The following LPP variants were observed in gnomAD, a reference collection of about 807,000 sequenced individuals.
The protein encoded by LPP is lipoma-preferred partner.
In LPP, 38 loss-of-function variants were observed where a neutral mutation model predicts 60.4. That is an observed-to-expected ratio of 0.63 (90% CI 0.49 to 0.83). The LOEUF (loss-of-function observed/expected upper bound fraction) is 0.83, where lower values mean the gene tolerates loss of function less well. Among genes scored for constraint, LPP ranks in the 40% least tolerant of loss-of-function variants. The pLI, the probability that LPP is intolerant of heterozygous loss-of-function variation, is 0.00. For synonymous variants in LPP, 328 were observed against 290.8 expected, an observed-to-expected ratio of 1.13 and a Z score of -1.30; for missense variants, 902 against 783.6, an observed-to-expected ratio of 1.15 and a Z score of -1.80.
intron 7 of LPP, among the ~76,000 whole-genome samples, chr3:188,662,046 A>G (rs1039027727): frequency 3.3e-5 from 5 of 152,264 alleles, no homozygotes; most frequent in African/African-American, 1.2e-4. Context: ...AGAGAAGAGA[A>G]AGGAAAAGAA....
intron 7 of LPP, among the ~76,000 whole-genome samples, chr3:188,661,018 C>A (rs1488764346): frequency 6.6e-6 from 1 of 152,162 alleles, no homozygotes; most frequent in South Asian, 2.1e-4. Flanking sequence ...TCCCCCAACC[C>A]CGGTAACCCC....
Position 188,406,597 on chromosome 3 carries a change from T to G in LPP, c.193+284T>G, listed in dbSNP as rs141797161. On this transcript the variant is annotated intron_variant, in intron 4 of 11. Coordinates refer to ENST00000617246, the MANE Select transcript of LPP (RefSeq NM_001375462.1). ...TAGTCACAGCTCAATGCCTTTCTAC[T>G]GCGTTATCTTCCACCTCCAGCTCAT... 4.4e-3 allele frequency among the ~76,000 whole-genome samples: 669 copies of G among 152,328 alleles called. 8 individuals carry two copies. The highest frequency in any genetic ancestry group is 0.014 in the Middle Eastern group (4 of 294).
At chr3:188,483,389 TTAA>T in intron 4 of LPP, among the ~76,000 whole-genome samples, 1 of 152,184 alleles carries the variant, frequency 6.6e-6, no homozygotes. Flanking sequence ...AGCAACTCAC[TTAA>T]TGATGGAGAC....
intron 4 of LPP, among the ~76,000 whole-genome samples, chr3:188,423,472 C>T (rs1030727772): frequency 5.3e-5 from 8 of 152,096 alleles, no homozygotes; most frequent in South Asian, 2.1e-4. Flanking sequence ...GTAATGGGAT[C>T]GCTGGGTCAA....
chr3:188,223,117 GTAAAGAGTGAGGGCAC>G (rs1716423224), intron 1 of LPP, among the ~76,000 whole-genome samples: 1 of 152,198 alleles, frequency 6.6e-6, no homozygotes, highest in Non-Finnish European at 1.5e-5. Flanking sequence ...TGCTTCAGCT[GTAAAGAGTGAGGGCAC>G]TACTAGGTGA....
At chr3:188,548,156 A>T (rs1266021936) in intron 6 of LPP, among the ~76,000 whole-genome samples, 1 of 152,172 alleles carries the variant, frequency 6.6e-6, no homozygotes, top group African/African-American at 2.4e-5. Context: ...GAACAAGAAG[A>T]TGGTGAAGGC....
chr3:188,451,057 T>C (rs1300036270), intron 4 of LPP, among the ~76,000 whole-genome samples: 2 of 152,126 alleles, frequency 1.3e-5, no homozygotes, highest in East Asian at 3.9e-4. Context: ...GTTTTTTGTT[T>C]TTGTTTTTTT....
At chr3:188,863,433 C>G (rs1185783870) in intron 9 of LPP, among the ~76,000 whole-genome samples, 4 of 152,154 alleles carry the variant, frequency 2.6e-5, no homozygotes, top group Non-Finnish European at 4.4e-5. Context: ...GCATCTCATG[C>G]TCTCCACAAC....
chr3:188,631,943 C>T (rs998377282), intron 7 of LPP, among the ~76,000 whole-genome samples: 3 of 152,130 alleles, frequency 2.0e-5, no homozygotes, highest in Non-Finnish European at 2.9e-5. Flanking sequence ...CCTACATGAG[C>T]GTACACAGAA....
chr3:188,825,929 C>T (rs1488618638), intron 9 of LPP, among the ~76,000 whole-genome samples: 1 of 152,082 alleles, frequency 6.6e-6, no homozygotes, highest in African/African-American at 2.4e-5. Flanking sequence ...CCACCACACT[C>T]AAGCAGAATG....
intron 9 of LPP, among the ~76,000 whole-genome samples, chr3:188,802,475 T>C (rs1358821966): frequency 6.6e-6 from 1 of 152,166 alleles, no homozygotes; most frequent in African/African-American, 2.4e-5. Context: ...CCAGTGAATG[T>C]CTTTTTAAAA....
At chr3:188,413,280 C>G (rs977694314) in intron 4 of LPP, among the ~76,000 whole-genome samples, 1 of 152,066 alleles carries the variant, frequency 6.6e-6, no homozygotes, top group Non-Finnish European at 1.5e-5. Flanking sequence ...TGTCCTTTTC[C>G]CCATGCAAAG....
intron 6 of LPP, among the ~76,000 whole-genome samples, chr3:188,559,411 C>G (rs1830180700): frequency 6.6e-6 from 1 of 151,884 alleles, no homozygotes; most frequent in South Asian, 2.1e-4. Context: ...AAATATGCAC[C>G]AAGCAAGAAA....
At chr3:188,602,142 C>CATATATATATAATATATATAAT (rs1841348687) in intron 6 of LPP, among the ~76,000 whole-genome samples, 43 of 103,650 alleles carry the variant, frequency 4.1e-4, no homozygotes, top group African/African-American at 1.6e-3. Flanking sequence ...TTCTTAATCT[C>CATATATATATAATATATATAAT]ATATATATAT....
rs187796214 is a variant in LPP, at chr3:188,623,294, A to C, written c.1113+13450A>C. Among the ~76,000 whole-genome samples, 1,078 of 142,358 alleles carry C rather than the reference A, an allele frequency of 7.6e-3. 11 individuals are homozygous for C. Among genetic ancestry groups the C allele is most frequent in the African/African-American group, 0.026 (1,009 of 38,684 alleles). The allele number at this position is 142,358 out of a possible 152,430, so 93.4% of individuals were successfully genotyped here. ...TTTTTTTGAAAGAGAGCGTCACTCTATCTCCCAGGCTAGGGTGCAGTGGCA... is the reference window on the plus strand; with the variant it reads ...TTTTTTTGAAAGAGAGCGTCACTCTCTCTCCCAGGCTAGGGTGCAGTGGCA... On this transcript the variant is annotated intron_variant, in intron 7 of 11. Coordinates refer to ENST00000617246, the MANE Select transcript of LPP (RefSeq NM_001375462.1).
At chr3:188,570,904 A>G (rs1833390429) in intron 6 of LPP, among the ~76,000 whole-genome samples, 1 of 152,122 alleles carries the variant, frequency 6.6e-6, no homozygotes, top group South Asian at 2.1e-4. Context: ...CTTCTAAAAA[A>G]AAGTATAAGA....
At chr3:188,665,891 A>T (rs1486321614) in intron 7 of LPP, among the ~76,000 whole-genome samples, 3 of 152,260 alleles carry the variant, frequency 2.0e-5, no homozygotes, top group African/African-American at 7.2e-5. Flanking sequence ...TTTGCATTTT[A>T]GGAAAATTTT....
intron 3 of LPP, among the ~76,000 whole-genome samples, chr3:188,355,853 T>C (rs1767457872): frequency 6.6e-6 from 1 of 152,202 alleles, no homozygotes; most frequent in Non-Finnish European, 1.5e-5. Context: ...CTCACACTTT[T>C]TTCATGAATT....
chr3:188,678,183 A>G (rs1858551284), intron 7 of LPP, among the ~76,000 whole-genome samples: 1 of 152,156 alleles, frequency 6.6e-6, no homozygotes, highest in Non-Finnish European at 1.5e-5. Flanking sequence ...CTCTTTGAAG[A>G]CTCAGTTTCC....
Sources: allele counts gnomAD v4.1 joint callset (sites outside exome capture counted in the v4.1 genomes callset), GRCh38; gene constraint gnomAD v4.1.1; transcripts MANE v1.5; gene names NCBI Gene and HGNC (gene_info 2026-07-23, HGNC 2026-07-21).